Variants in RFPL1 observed in about 807,000 individuals in gnomAD.
RFPL1 encodes the protein ret finger protein-like 1.
In RFPL1, 6 loss-of-function variants were observed where a neutral mutation model predicts 9.6. That is an observed-to-expected ratio of 0.62 (90% CI 0.34 to 1.23). The LOEUF is 1.23. Ranked by LOEUF, RFPL1 falls within the 50% of genes most tolerant of loss-of-function variation. The pLI, the probability that RFPL1 is intolerant of heterozygous loss-of-function variation, is 0.03. For missense variants in RFPL1, 352 were observed against 398.4 expected, an observed-to-expected ratio of 0.88 and a Z score of 0.99; for synonymous variants, 145 against 149.4, an observed-to-expected ratio of 0.97 and a Z score of 0.22.
chr22:29,439,470 A>G (rs1453908097), intron 1 of RFPL1: 6 of 315,534 alleles, frequency 1.9e-5, no homozygotes, highest in East Asian at 6.3e-5. Flanking sequence ...TGTCTCTACT[A>G]AAAATACAAA....
chr22:29,396,015 AAAGAAAAGAG>A, the RFPL1 span, among the ~76,000 whole-genome samples: 1 of 151,460 alleles, frequency 6.6e-6, no homozygotes, highest in Non-Finnish European at 1.5e-5. Context: ...AAGAGAAGAG[AAAGAAAAGAG>A]AAGAGAAGAG....
At chr22:29,409,548 CACTG>C in the RFPL1 span, among the ~76,000 whole-genome samples, 2 of 152,198 alleles carry the variant, frequency 1.3e-5, no homozygotes, top group Non-Finnish European at 2.9e-5. Flanking sequence ...AGCACCAATG[CACTG>C]ACTGTCACTA....
At chr22:29,430,462 G>C in the RFPL1 span, among the ~76,000 whole-genome samples, 1 of 152,044 alleles carries the variant, frequency 6.6e-6, no homozygotes, top group Admixed American at 6.6e-5. Flanking sequence ...ATATTGTGAT[G>C]TAATGGAAAC....
chr22:29,391,517 A>C, the RFPL1 span, among the ~76,000 whole-genome samples: 1 of 152,218 alleles, frequency 6.6e-6, no homozygotes, highest in Non-Finnish European at 1.5e-5. Context: ...ATTATCCTAC[A>C]AAACAAACCA....
chr22:29,392,536 C>T, the RFPL1 span, among the ~76,000 whole-genome samples: 1 of 152,122 alleles, frequency 6.6e-6, no homozygotes, highest in East Asian at 1.9e-4. Context: ...ACTGCATTTG[C>T]ACACCACCAT....
At chr22:29,416,425 G>A in the RFPL1 span, among the ~76,000 whole-genome samples, 1 of 152,264 alleles carries the variant, frequency 6.6e-6, no homozygotes, top group South Asian at 2.1e-4. Flanking sequence ...AGCACTTGAT[G>A]TTTAGCAGAG....
the RFPL1 span, among the ~76,000 whole-genome samples, chr22:29,417,645 T>C: frequency 6.6e-6 from 1 of 151,200 alleles, no homozygotes; most frequent in African/African-American, 2.5e-5. Context: ...TCTTTGGCAG[T>C]AAAACTGTCA....
At chr22:29,405,255 G>A in the RFPL1 span, among the ~76,000 whole-genome samples, 275 of 152,264 alleles carry the variant, frequency 1.8e-3, 1 homozygote, top group South Asian at 7.9e-3. Context: ...GAAGCAAGGC[G>A]TGAGTGTGCA....
the RFPL1 span, among the ~76,000 whole-genome samples, chr22:29,406,718 C>T: frequency 1.3e-5 from 2 of 152,206 alleles, no homozygotes; most frequent in Non-Finnish European, 2.9e-5. Flanking sequence ...AATTTCTCTG[C>T]TATCCTCTGC....
the RFPL1 span, among the ~76,000 whole-genome samples, chr22:29,402,176 G>A: frequency 3.9e-5 from 6 of 152,262 alleles, no homozygotes; most frequent in South Asian, 4.1e-4. Flanking sequence ...ATCTTGAGCC[G>A]TCATGGAAAC....
upstream of RFPL1, among the ~76,000 whole-genome samples, chr22:29,434,093 C>T (rs1034300075): frequency 6.6e-6 from 1 of 152,034 alleles, no homozygotes; most frequent in African/African-American, 2.4e-5. Flanking sequence ...CTCAAGCGAT[C>T]CTCCCACCTC....
the RFPL1 span, among the ~76,000 whole-genome samples, chr22:29,425,530 C>T: frequency 6.6e-6 from 1 of 152,110 alleles, no homozygotes; most frequent in African/African-American, 2.4e-5. Flanking sequence ...AAAACACAGC[C>T]ACCGGTCAGA....
At chr22:29,409,064 A>G in the RFPL1 span, among the ~76,000 whole-genome samples, 1 of 151,694 alleles carries the variant, frequency 6.6e-6, no homozygotes, top group South Asian at 2.1e-4. Flanking sequence ...GTCTGTACAT[A>G]TACTTTTTTT....
the RFPL1 span, among the ~76,000 whole-genome samples, chr22:29,396,754 C>T: frequency 2.6e-5 from 4 of 152,148 alleles, no homozygotes; most frequent in Admixed American, 2.6e-4. Context: ...GCTGGGACTA[C>T]AGGCACGTGC....
chr22:29,410,620 TA>T, the RFPL1 span, among the ~76,000 whole-genome samples: 1 of 139,336 alleles, frequency 7.2e-6, no homozygotes, highest in African/African-American at 2.7e-5. Flanking sequence ...TATCTATCTA[TA>T]TATAGATAGA....
chr22:29,406,428 A>G, the RFPL1 span, among the ~76,000 whole-genome samples: 1 of 152,058 alleles, frequency 6.6e-6, no homozygotes, highest in African/African-American at 2.4e-5. Flanking sequence ...TAACATTCCC[A>G]CATCTCAGAA....
chr22:29,424,512 C>T, the RFPL1 span, among the ~76,000 whole-genome samples: 38 of 152,136 alleles, frequency 2.5e-4, no homozygotes, highest in Middle Eastern at 6.8e-3. Flanking sequence ...ATAATTTGCC[C>T]AAGGTCAAAT....
chr22:29,411,751 C>T, the RFPL1 span, among the ~76,000 whole-genome samples: 12 of 152,202 alleles, frequency 7.9e-5, no homozygotes, highest in African/African-American at 2.9e-4. Context: ...AGAGTTCCTC[C>T]AGCCCAGTCT....
the RFPL1 span, among the ~76,000 whole-genome samples, chr22:29,403,877 A>G: frequency 6.6e-6 from 1 of 152,248 alleles, no homozygotes; most frequent in Non-Finnish European, 1.5e-5. Context: ...ACAATCTCAC[A>G]ACCTTGCAAA....
Sources: allele counts gnomAD v4.1 joint callset (sites outside exome capture counted in the v4.1 genomes callset), GRCh38; gene constraint gnomAD v4.1.1; transcripts MANE v1.5; gene names NCBI Gene and HGNC (gene_info 2026-07-23, HGNC 2026-07-21).